NLGN1: variants seen among roughly 807,000 people sequenced by gnomAD.
NLGN1 encodes the protein neuroligin 1.
NLGN1 carries 12 observed loss-of-function variants against 65.5 expected under a neutral mutation model. That is an observed-to-expected ratio of 0.18 (90% confidence interval 0.12 to 0.30). NLGN1 has a LOEUF of 0.30. NLGN1 is among the 10% of genes least tolerant of loss of function. NLGN1 has a pLI of 1.00. For synonymous variants in NLGN1, 350 were observed against 359.5 expected (o/e 0.97, Z 0.30); for missense variants, 750 against 1,007.1 (o/e 0.74, Z 3.46).
intron 3 of NLGN1, 33 bp from the exon 3 acceptor site, chr3:173,605,501 A>T (rs768808705): frequency 8.4e-7 from 1 of 1,184,234 alleles, no homozygotes; most frequent in Admixed American, 2.3e-5. Flanking sequence ...ATGGAGCGCC[A>T]TGTTATTTTC....
intron 3 of NLGN1, among the ~76,000 whole-genome samples, chr3:173,743,803 A>T (rs1024225317): frequency 5.3e-5 from 8 of 152,070 alleles, no homozygotes; most frequent in African/African-American, 1.9e-4. Flanking sequence ...GGTTAACTTC[A>T]GTCCATATAA....
At chr3:173,654,847 A>G (rs1296201433) in intron 3 of NLGN1, among the ~76,000 whole-genome samples, 1 of 152,150 alleles carries the variant, frequency 6.6e-6, no homozygotes, top group African/African-American at 2.4e-5. Context: ...CATAGGAGGA[A>G]AAGAATTAAT....
At chr3:173,747,189 T>A (rs1156926750) in intron 3 of NLGN1, among the ~76,000 whole-genome samples, 1 of 140,438 alleles carries the variant, frequency 7.1e-6, no homozygotes, top group Non-Finnish European at 1.5e-5. Context: ...CTCAAAACAA[T>A]ATATATATAA....
chr3:174,070,990 G>A (rs2152534142), intron 4 of NLGN1, among the ~76,000 whole-genome samples: 1 of 152,170 alleles, frequency 6.6e-6, no homozygotes, highest in East Asian at 2.0e-4. Flanking sequence ...AGGAGGTCAA[G>A]GCTGCAATGA....
chr3:173,713,891 T>C (rs547302328), intron 3 of NLGN1, among the ~76,000 whole-genome samples: 17 of 152,224 alleles, frequency 1.1e-4, no homozygotes, highest in Admixed American at 1.0e-3. Flanking sequence ...CTGGAAGATA[T>C]TTAAAGTGAT....
intron 4 of NLGN1, among the ~76,000 whole-genome samples, chr3:173,832,440 A>G (rs1051217426): frequency 6.6e-6 from 1 of 152,216 alleles, no homozygotes; most frequent in African/African-American, 2.4e-5. Context: ...TTTCATGCCA[A>G]TTTGTAGCCA....
intron 4 of NLGN1, among the ~76,000 whole-genome samples, chr3:174,058,661 C>T (rs1736711306): frequency 1.3e-5 from 2 of 152,100 alleles, no homozygotes; most frequent in South Asian, 4.1e-4. Flanking sequence ...ATTAATAAAA[C>T]TATTAATAAG....
chr3:173,873,820 C>T (rs1194613335), intron 4 of NLGN1, among the ~76,000 whole-genome samples: 2 of 152,130 alleles, frequency 1.3e-5, no homozygotes, highest in Non-Finnish European at 2.9e-5. Context: ...CCAAAAAAGT[C>T]ATATGTTGCG....
At chr3:173,874,599 C>G (rs1176479264) in intron 4 of NLGN1, among the ~76,000 whole-genome samples, 1 of 152,128 alleles carries the variant, frequency 6.6e-6, no homozygotes, top group Non-Finnish European at 1.5e-5. Flanking sequence ...TTATTTCCAA[C>G]ATTCAAAATG....
At chr3:173,648,873 C>T (rs1310879326) in intron 3 of NLGN1, among the ~76,000 whole-genome samples, 1 of 152,100 alleles carries the variant, frequency 6.6e-6, no homozygotes, top group Middle Eastern at 3.2e-3. Context: ...CCACGCTCAG[C>T]CCTACTATAA....
chr3:173,439,972 G>A (rs143804418), intron 2 of NLGN1, among the ~76,000 whole-genome samples: 54 of 152,256 alleles, frequency 3.5e-4, no homozygotes, highest in African/African-American at 1.3e-3. Context: ...ATGCAAGTCA[G>A]TTTGGTAGGA....
intron 4 of NLGN1, among the ~76,000 whole-genome samples, chr3:173,927,067 T>G (rs1474751034): frequency 6.6e-6 from 1 of 152,154 alleles, no homozygotes. Context: ...TTTTCCTTTC[T>G]TTTTCTTTCT....
chr3:173,543,833 A>G (rs2149240375), intron 2 of NLGN1, among the ~76,000 whole-genome samples: 1 of 152,292 alleles, frequency 6.6e-6, no homozygotes, highest in South Asian at 2.1e-4. Flanking sequence ...AGACAAGTAC[A>G]GAGAGAATTG....
intron 4 of NLGN1, among the ~76,000 whole-genome samples, chr3:173,946,036 C>T (rs1202747696): frequency 1.3e-5 from 2 of 152,184 alleles, no homozygotes; most frequent in African/African-American, 4.8e-5. Flanking sequence ...GTGCCATCTG[C>T]CCTTTTCCTT....
chr3:174,201,603 A>G (rs915954546), intron 4 of NLGN1, among the ~76,000 whole-genome samples: 19 of 152,224 alleles, frequency 1.2e-4, no homozygotes, highest in Admixed American at 1.2e-3. Context: ...ACTCAAATGA[A>G]TGAAGTCCAA....
chr3:173,935,622 ACTCTCT>A (rs72137673), intron 4 of NLGN1, among the ~76,000 whole-genome samples: 1,305 of 107,950 alleles, frequency 0.012, 3 homozygotes, highest in Non-Finnish European at 0.018. Flanking sequence ...ACACACACAC[ACTCTCT>A]CTCTCTCTCT....
At chr3:173,527,457 G>A (rs1267732468) in intron 2 of NLGN1, among the ~76,000 whole-genome samples, 3 of 152,062 alleles carry the variant, frequency 2.0e-5, no homozygotes, top group Non-Finnish European at 4.4e-5. Flanking sequence ...GAGTGCAGTG[G>A]CACTATCTCA....
chr3:173,399,852 T>A (rs1244667703), intron 1 of NLGN1: 1 of 152,214 alleles, frequency 6.6e-6, no homozygotes, highest in African/African-American at 2.4e-5. Flanking sequence ...CACATACATT[T>A]TAATGCTATT....
At chr3:173,529,626 C>T (rs1009645614) in intron 2 of NLGN1, among the ~76,000 whole-genome samples, 2 of 152,148 alleles carry the variant, frequency 1.3e-5, no homozygotes, top group African/African-American at 2.4e-5. Context: ...ACCATTTGTC[C>T]ATCTATCTCT....
Sources: gnomAD v4.1 joint callset for allele counts (sites outside exome capture counted in the v4.1 genomes callset) on GRCh38, gnomAD v4.1.1 for gene constraint, MANE v1.5 for transcripts, NCBI Gene and HGNC (gene_info 2026-07-23, HGNC 2026-07-21) for gene names.